PHF8: variants seen among roughly 807,000 people sequenced by gnomAD.
The protein encoded by PHF8 is PHD finger protein 8.
In PHF8, 9 loss-of-function variants were observed where a neutral mutation model predicts 74.4. The ratio of observed to expected loss-of-function variants is 0.12; its 90% CI spans 0.07 to 0.21. PHF8 has a LOEUF of 0.21. Ranked by LOEUF, PHF8 falls within the 10% of genes least tolerant of loss-of-function variation. The pLI is 1.00. For missense variants in PHF8, 478 were observed against 816.6 expected (o/e 0.59, Z 5.05); for synonymous variants, 311 against 316.6 (o/e 0.98, Z 0.19).
Position 54,044,233 on chromosome X carries a change from C to T in PHF8, c.-564G>A. 7.9e-6 allele frequency: 6 copies of T among 755,092 alleles called. No homozygotes were observed. Among genetic ancestry groups the T allele is most frequent in the Non-Finnish European group, 9.4e-6 (6 of 639,463 alleles). 62.2% of individuals were successfully genotyped at this position (755,092 alleles called of 1,213,427 possible). On this transcript the variant is annotated 5_prime_UTR_variant, in exon 1 of 22. Coordinates refer to ENST00000338154, the MANE Select transcript of PHF8 (RefSeq NM_015107.3). ...CGGCAGGAGATACTCGCGAGCAAAC[C>T]AACGGGGAAAGAGATGAACCGGCCG... is the stretch of plus-strand genomic sequence containing the variant.
chrX:54,030,586 G>T (rs1220280472), intron 2 of PHF8, among the ~76,000 whole-genome samples: 3 of 112,169 alleles, frequency 2.7e-5, no homozygotes, highest in Non-Finnish European at 5.6e-5. Flanking sequence ...AGTTTCGTAA[G>T]TGCTATAAAG....
intron 6 of PHF8, 82 bp from the exon 7 acceptor site, chrX:54,014,645 G>T: frequency 1.5e-6 from 1 of 665,582 alleles, no homozygotes; most frequent in Non-Finnish European, 2.4e-6. Flanking sequence ...CCACAGTTCA[G>T]TGAGGGTCAG....
chrX:54,037,502 C>A (rs1360705888), intron 2 of PHF8, among the ~76,000 whole-genome samples: 1 of 112,154 alleles, frequency 8.9e-6, no homozygotes, highest in Non-Finnish European at 1.9e-5. Flanking sequence ...CAGCCTTGGC[C>A]TCCCAAAGTG....
rs892360963 is a variant in PHF8, at chrX:54,033,491, G to C, written c.98+9140C>G. Among the ~76,000 whole-genome samples, 4 of 111,372 alleles carry C rather than the reference G, an allele frequency of 3.6e-5. No individual in the cohort carries two copies. The Admixed American group carries it at 3.8e-4, about 11-fold the overall frequency. On this transcript the variant is annotated intron_variant, in intron 2 of 21. Transcript: ENST00000338154. ...GCACTTTGGGAGGCTGAGGTGGGCA[G>C]ATCACGAGGTCAGGAGTTCGAGACC... is the stretch of plus-strand genomic sequence containing the variant.
chrX:53,987,884 G>A lies in PHF8; in HGVS notation c.1791C>T (p.Asp597=), dbSNP rs782067701. 1 of 1,208,625 alleles carries A rather than the reference G, an allele frequency of 8.3e-7. No homozygotes were observed. Among genetic ancestry groups the A allele is most frequent in the East Asian group, 3.0e-5 (1 of 33,843 alleles). The change falls in exon 15 of 22, where the codon GAC becomes GAT. Residue 597 remains aspartate, a synonymous_variant. Coordinates refer to ENST00000338154, the MANE Select transcript of PHF8 (RefSeq NM_015107.3). ...SRRTKIAKKV[D]KARLMAEQVM... ...CCTGTTCTGCCATCAGCCTAGCCTT[G>A]TCTACCTTCTTTGCTATCTTGGTTC...
Position 53,938,152 on chromosome X carries a change from C to T in PHF8, c.*1006G>A, listed in dbSNP as rs1332101615. ...TGGAGAAAGAAGCATGAAAAGTTCC[C>T]GATGGAGGACCCAGGTGTGGGCCGT... On this transcript the variant is annotated 3_prime_UTR_variant, in exon 22 of 22. Coordinates refer to ENST00000338154, the MANE Select transcript of PHF8 (RefSeq NM_015107.3). 27 of 1,123,224 alleles carry T rather than the reference C, an allele frequency of 2.4e-5. No homozygotes were observed. The highest frequency in any genetic ancestry group is 5.6e-5 in the Admixed American group (2 of 35,777). 92.6% of individuals were successfully genotyped at this position (1,123,224 alleles called of 1,213,427 possible). A position where few individuals can be genotyped will look rare whatever the true frequency, so the allele number is the denominator to read the frequency against.
At chrX:53,958,045 T>A (rs2065040353) in intron 19 of PHF8, among the ~76,000 whole-genome samples, 1 of 62,043 alleles carries the variant, frequency 1.6e-5, no homozygotes, top group Admixed American at 1.3e-4. Context: ...CAAGAACTAT[T>A]TTTTTTTTTT....
rs782698406 is a variant in PHF8 at position 54,044,016 on chromosome X, C to A, written c.-347G>T. The A allele has an allele frequency of 6.6e-6, 5 of 754,268 alleles. No individual in the cohort carries two copies. The African/African-American group carries it at 9.1e-5, about 14-fold the overall frequency. 62.2% of individuals were successfully genotyped at this position (754,268 alleles called of 1,213,427 possible). On this transcript the variant is annotated 5_prime_UTR_variant, in exon 1 of 22. Transcript: ENST00000338154. ...TCGAATTCTGGGATAGTCCCCGTAC[C>A]GCCGGGAACCTCGCTCGCCTTCCCC...
At chrX:53,977,945 C>CTTTT (rs1319452833) in intron 18 of PHF8, among the ~76,000 whole-genome samples, 2 of 89,911 alleles carry the variant, frequency 2.2e-5, no homozygotes, top group African/African-American at 8.2e-5. Context: ...TGCGCCCGGC[C>CTTTT]TTTTTTTTTT....
intron 13 of PHF8, 25 bp downstream of exon 13, chrX:53,993,576 G>A: frequency 1.7e-6 from 2 of 1,191,209 alleles, no homozygotes; most frequent in Non-Finnish European, 2.3e-6. Context: ...AAAGGGTTGG[G>A]CTGAACCCAT....
intron 19 of PHF8, among the ~76,000 whole-genome samples, chrX:53,945,935 A>G (rs1405801638): frequency 8.9e-6 from 1 of 112,119 alleles, no homozygotes; most frequent in African/African-American, 3.2e-5. Context: ...TATTCTGTCT[A>G]CCAGCCAGGC....
chrX:53,981,680 G>A (rs1272304391), intron 18 of PHF8, among the ~76,000 whole-genome samples: 1 of 111,952 alleles, frequency 8.9e-6, no homozygotes, highest in Non-Finnish European at 1.9e-5. Context: ...AGAAGCCACT[G>A]ACTATAATGC....
At chrX:53,977,215 G>A (rs1244807011) in intron 18 of PHF8, among the ~76,000 whole-genome samples, 5 of 111,361 alleles carry the variant, frequency 4.5e-5, no homozygotes, top group African/African-American at 9.8e-5. Context: ...CGCACCTATA[G>A]TCTCAGCTAC....
intron 12 of PHF8, among the ~76,000 whole-genome samples, chrX:53,994,411 G>A (rs781993249): frequency 1.8e-5 from 2 of 112,568 alleles, no homozygotes; most frequent in African/African-American, 3.2e-5. Flanking sequence ...CCCGAGAATC[G>A]GGGGAAGGTA....
intron 18 of PHF8, among the ~76,000 whole-genome samples, chrX:53,967,070 G>A (rs1326259467): frequency 9.2e-6 from 1 of 108,756 alleles, no homozygotes; most frequent in African/African-American, 3.3e-5. Flanking sequence ...GAGCCCCTCC[G>A]CCCGGCAGCC....
chrX:53,986,992 T>C (rs1603313253), intron 16 of PHF8, 86 bp downstream of exon 16: 1 of 575,703 alleles, frequency 1.7e-6, no homozygotes, highest in East Asian at 3.3e-5. Context: ...TCTTCCTCCC[T>C]GCATATCCCC....
chrX:53,966,406 A>T (rs2065188049), intron 18 of PHF8, among the ~76,000 whole-genome samples: 2 of 112,112 alleles, frequency 1.8e-5, no homozygotes, highest in Admixed American at 1.9e-4. Context: ...TGGTTTTCGT[A>T]TTTTTTTGGT....
At chrX:54,048,188 C>A (rs2066642378), upstream of PHF8, among the ~76,000 whole-genome samples, 2 of 86,779 alleles carry the variant, frequency 2.3e-5, no homozygotes, top group Non-Finnish European at 2.2e-5. Flanking sequence ...GACTCCATCT[C>A]AAAAAAAAAA....
chrX:53,964,149 C>T lies in PHF8; in HGVS notation c.2444-1210G>A, dbSNP rs149715748. On this transcript the variant is annotated intron_variant, in intron 18 of 21. Transcript: ENST00000338154. Reference sequence around the variant, plus strand: ...TAACACAGGACAGAAAACCAAACACCGCATATTCTCATTCATAAGTGAGAG... The same window carrying T: ...TAACACAGGACAGAAAACCAAACACTGCATATTCTCATTCATAAGTGAGAG... Among the ~76,000 whole-genome samples the T allele has an allele frequency of 1.4e-3, 157 of 110,533 alleles. 1 individual carries two copies. The highest frequency in any genetic ancestry group is 4.7e-3 in the African/African-American group (143 of 30,330).
Sources: allele counts gnomAD v4.1 joint callset (sites outside exome capture counted in the v4.1 genomes callset), GRCh38; gene constraint gnomAD v4.1.1; transcripts MANE v1.5; gene names NCBI Gene and HGNC (gene_info 2026-07-23, HGNC 2026-07-21).